ADGRE2: variants seen among roughly 807,000 people sequenced by gnomAD.
The protein encoded by ADGRE2 is adhesion G protein-coupled receptor E2, also known as CD97 antigen.
Under a neutral mutation model 100.8 loss-of-function variants are expected in ADGRE2, and 83 were observed. The ratio of observed to expected loss-of-function variants is 0.82; its 90% CI spans 0.69 to 0.99. The LOEUF is 0.99. ADGRE2 is among the 50% of genes least tolerant of loss of function. The pLI is 0.00. For missense variants in ADGRE2, 814 were observed against 1,035.7 expected (o/e 0.79, Z 2.94); for synonymous variants, 355 against 413.0 (o/e 0.86, Z 1.70).
rs1010277842 is a variant in ADGRE2 at position 14,754,633 on chromosome 19, C to T, written c.1590+321G>A. Among the ~76,000 whole-genome samples, 2 of 152,158 alleles carry T rather than the reference C, an allele frequency of 1.3e-5. 1 individual carries two copies. Among genetic ancestry groups the T allele is most frequent in the South Asian group, 4.1e-4 (2 of 4,824 alleles). On this transcript the variant is annotated intron_variant, in intron 14 of 20. Transcript: ENST00000315576. ...TCATGTGAGAAGGGATATGAGTGGC[C>T]TCTAGGAACTGAATGTGATGCCTTC...
chr19:14,740,108 A>C (rs1599782494), intron 20 of ADGRE2, among the ~76,000 whole-genome samples: 1 of 151,898 alleles, frequency 6.6e-6, no homozygotes, highest in East Asian at 1.9e-4. Flanking sequence ...CTGTCTAAAA[A>C]AAAAAAAAGA....
At position 14,732,981 on chromosome 19, in the gene ADGRE2, G is replaced by A. The variant is rs1313706514; in HGVS notation, c.*3255C>T. On this transcript the variant is annotated 3_prime_UTR_variant, in exon 21 of 21. Transcript: ENST00000315576. ...CCCCTGCTCTAGGTAGACTCTATGG[G>A]GATATGGGCTCTACACTCATAGGGA... The A allele has an allele frequency of 8.6e-5, 13 of 151,988 alleles. No homozygotes were observed. The highest frequency in any genetic ancestry group is 7.9e-4 in the Admixed American group (12 of 15,242). The allele number at this position is 151,988 out of a possible 1,614,324, so 9.4% of individuals were successfully genotyped here.
At chr19:14,768,613 T>C (rs2044079015) in intron 5 of ADGRE2, among the ~76,000 whole-genome samples, 1 of 152,116 alleles carries the variant, frequency 6.6e-6, no homozygotes, top group African/African-American at 2.4e-5. Context: ...GATGTTAACC[T>C]CTCTTGCCAT....
chr19:14,772,215 T>G (rs2044236313), intron 5 of ADGRE2, 127 bp downstream of exon 5: 1 of 1,346,078 alleles, frequency 7.4e-7, no homozygotes, highest in Non-Finnish European at 1.0e-6. Flanking sequence ...CATGCACACC[T>G]GTCTCATCTC....
intron 20 of ADGRE2, among the ~76,000 whole-genome samples, chr19:14,736,685 T>C (rs182075229): frequency 3.1e-4 from 44 of 142,050 alleles, no homozygotes; most frequent in East Asian, 2.9e-3. Context: ...TTTAGAAATA[T>C]ATAGATATTT....
Position 14,743,898 on chromosome 19 carries a change from G to GGCT in ADGRE2, c.2184-117_2184-115dup, listed in dbSNP as rs113444342. The stretch of plus-strand genomic sequence containing the variant: ...CCCCTGTAGATGATTTCTCAGACTG[G>GGCT]GCTGTGGTCAGCTTAGATATTTACT... On this transcript the variant is annotated intron_variant, in intron 18 of 20. Coordinates refer to ENST00000315576, the MANE Select transcript of ADGRE2 (RefSeq NM_013447.4). 22,626 of 986,906 alleles carry GGCT rather than the reference G, an allele frequency of 0.023. 3,550 individuals are homozygous for GGCT. The African/African-American group carries it at 0.33, about 15-fold the overall frequency. 61.1% of individuals were successfully genotyped at this position (986,906 alleles called of 1,614,324 possible). A position where few individuals can be genotyped will look rare whatever the true frequency, so the allele number is the denominator to read the frequency against.
the ADGRE2 span, among the ~76,000 whole-genome samples, chr19:14,726,217 G>A: frequency 6.6e-5 from 10 of 152,214 alleles, no homozygotes; most frequent in African/African-American, 1.7e-4. Context: ...TGGCTGGAAC[G>A]TGGAGAATGG....
Position 14,746,965 on chromosome 19 carries a change from G to GA in ADGRE2, c.2025-4dup. 1 of 1,600,478 alleles carries GA rather than the reference G, an allele frequency of 6.2e-7. No homozygotes were observed. The highest frequency in any genetic ancestry group is 8.5e-7 in the Non-Finnish European group (1 of 1,172,736). On this transcript the variant is annotated splice_region_variant and splice_polypyrimidine_tract_variant and intron_variant, in intron 16 of 20. Coordinates refer to ENST00000315576, the MANE Select transcript of ADGRE2 (RefSeq NM_013447.4). ...CCTTTTCTGGTTGGAGCCAGCAGCT[G>GA]AAAAAAGAGAGATTAAAAAAAATGC...
chr19:14,771,872 C>A (rs4808477), intron 5 of ADGRE2: 1 of 155,056 alleles, frequency 6.4e-6, no homozygotes, highest in Non-Finnish European at 1.4e-5. Flanking sequence ...ATCTCCTGAC[C>A]CCGTGATCCA....
chr19:14,749,263 T>A (rs895957252), intron 16 of ADGRE2, among the ~76,000 whole-genome samples: 1 of 145,828 alleles, frequency 6.9e-6, no homozygotes, highest in African/African-American at 2.5e-5. Context: ...AAATAAAGAA[T>A]TAAGGAAGCA....
At chr19:14,740,803 C>T (rs2042907288) in intron 20 of ADGRE2, among the ~76,000 whole-genome samples, 1 of 152,134 alleles carries the variant, frequency 6.6e-6, no homozygotes, top group East Asian at 1.9e-4. Flanking sequence ...GTGGCATAAT[C>T]GTAGCTCACC....
At chr19:14,766,176 G>A (rs773163221) in intron 7 of ADGRE2, 59 bp downstream of exon 7, 29 of 1,612,700 alleles carry the variant, frequency 1.8e-5, no homozygotes, top group East Asian at 6.7e-5. Context: ...TGTGGGCGCC[G>A]TTGAACATGT....
In ADGRE2 at chr19:14,775,860, G is replaced by GAAAAAAAAAAAAA. The variant is rs3057586; in HGVS notation, c.31+853_31+865dup. On this transcript the variant is annotated intron_variant, in intron 2 of 20. Coordinates refer to ENST00000315576, the MANE Select transcript of ADGRE2 (RefSeq NM_013447.4). ...GGCGACAGAGCAAGGCTCCGCCTCA[G>GAAAAAAAAAAAAA]AAAAAAAAAAAAAAAAATGATGGCG... is the stretch of plus-strand genomic sequence containing the variant. Among the ~76,000 whole-genome samples, 80 of 107,886 alleles carry GAAAAAAAAAAAAA rather than the reference G, an allele frequency of 7.4e-4. 2 individuals carry two copies. The highest frequency in any genetic ancestry group is 1.6e-3 in the South Asian group (5 of 3,110). 70.8% of individuals were successfully genotyped at this position (107,886 alleles called of 152,430 possible).
At chr19:14,759,600 G>GA (rs1436578606) in intron 11 of ADGRE2, among the ~76,000 whole-genome samples, 1 of 148,692 alleles carries the variant, frequency 6.7e-6, no homozygotes. Flanking sequence ...GGGTTCCAGC[G>GA]AATCTCCTGC....
At position 14,776,902 on chromosome 19, in the gene ADGRE2, G is replaced by T. The variant is rs1428225802; in HGVS notation, c.-146C>A. On this transcript the variant is annotated 5_prime_UTR_variant, in exon 2 of 21. Coordinates refer to ENST00000315576, the MANE Select transcript of ADGRE2 (RefSeq NM_013447.4). ...GGGGGGCGGACAGCCGCTGGCCCAG[G>T]GCCCTCCCCGGAACTGGCGGTGCAG... The T allele has an allele frequency of 6.7e-7, 1 of 1,498,146 alleles. No homozygotes were observed. Among genetic ancestry groups the T allele is most frequent in the African/African-American group, 1.4e-5 (1 of 70,672 alleles). The allele number at this position is 1,498,146 out of a possible 1,614,324, so 92.8% of individuals were successfully genotyped here. A position where few individuals can be genotyped will look rare whatever the true frequency, so the allele number is the denominator to read the frequency against.
Position 14,752,393 on chromosome 19 carries a change from A to T in ADGRE2, c.1724T>A (p.Leu575His), listed in dbSNP as rs766379780. ...QNTSTSLHLQ[L>H]SLCLFLAHLL... is the part of the protein sequence containing the mutation. ...GTGGGCCAGGAAGAGGCAGAGCGAG[A>T]GCTGCAGATGCAGTGAGGTGCTGGT... is the stretch of plus-strand genomic sequence containing the variant. Residue 575 changes from leucine to histidine, a missense_variant, in exon 15 of 21, where the codon CTC (leucine) becomes CAC (histidine). Around this residue, in one of 5 missense-constraint regions of ADGRE2, gnomAD observed 569 missense variants for 692.7 expected, o/e 0.82. Transcript: ENST00000315576. 2.0e-5 allele frequency: 32 copies of T among 1,614,146 alleles called. No individual in the cohort carries two copies. The highest frequency in any genetic ancestry group is 3.3e-4 in the Middle Eastern group (2 of 6,062).
At chr19:14,764,754 C>T (rs1330252896) in intron 10 of ADGRE2, 144 bp from the exon 11 acceptor site, 4 of 831,564 alleles carry the variant, frequency 4.8e-6, no homozygotes, top group South Asian at 3.7e-5. Context: ...CGCGGTGGCT[C>T]ACGCCTCTAA....
chr19:14,768,356 G>A (rs1039620152), intron 5 of ADGRE2, among the ~76,000 whole-genome samples: 1 of 152,116 alleles, frequency 6.6e-6, no homozygotes, highest in Non-Finnish European at 1.5e-5. Flanking sequence ...GCCTTTTTTT[G>A]ATCCTCAGGA....
At chr19:14,728,187 TG>T (rs1277377039), downstream of ADGRE2, among the ~76,000 whole-genome samples, 1 of 152,226 alleles carries the variant, frequency 6.6e-6, no homozygotes, top group African/African-American at 2.4e-5. Context: ...CACTCCAGCC[TG>T]GGCGACAGAG....
Sources: allele counts gnomAD v4.1 joint callset (sites outside exome capture counted in the v4.1 genomes callset), GRCh38; gene constraint gnomAD v4.1.1; regional missense constraint gnomAD v4.1.1; transcripts MANE v1.5; gene names NCBI Gene and HGNC (gene_info 2026-07-23, HGNC 2026-07-21).